PCDHA4: variants seen among roughly 807,000 people sequenced by gnomAD.
PCDHA4 encodes the protein protocadherin alpha 4.
PCDHA4 carries 49 observed loss-of-function variants against 61.4 expected under a neutral mutation model. The observed-to-expected ratio is 0.80, with a 90% confidence interval of 0.63 to 1.01. PCDHA4 has a LOEUF of 1.01. PCDHA4 is among the 50% of genes least tolerant of loss of function. PCDHA4 has a pLI of 0.00. For synonymous variants in PCDHA4, 590 were observed against 550.3 expected, an observed-to-expected ratio of 1.07 and a Z score of -1.01; for missense variants, 1,254 against 1,235.8, an observed-to-expected ratio of 1.01 and a Z score of -0.22.
At chr5:140,838,520 T>C (rs1554137093) in intron 1 of PCDHA4, among the ~76,000 whole-genome samples, 1 of 152,024 alleles carries the variant, frequency 6.6e-6, no homozygotes, top group Non-Finnish European at 1.5e-5. Flanking sequence ...ATTTGCATCT[T>C]ATTTTCTTTT....
intron 1 of PCDHA4, chr5:140,843,458 C>T: frequency 6.3e-7 from 1 of 1,596,092 alleles, no homozygotes; most frequent in Non-Finnish European, 8.6e-7. Flanking sequence ...CCTGCTGGTG[C>T]TCACGCTGCT....
At chr5:140,955,146 T>C (rs184262984) in intron 1 of PCDHA4, among the ~76,000 whole-genome samples, 10 of 152,338 alleles carry the variant, frequency 6.6e-5, no homozygotes, top group African/African-American at 2.4e-4. Context: ...TCTGTTTTTG[T>C]ACCAGTACCG....
chr5:140,815,649 T>C (rs1305813119), intron 1 of PCDHA4: 1 of 152,172 alleles, frequency 6.6e-6, no homozygotes, highest in Non-Finnish European at 1.5e-5. Context: ...TGTTTTTATC[T>C]ATATATTTAT....
At chr5:140,891,644 T>C (rs1554184907) in intron 1 of PCDHA4, among the ~76,000 whole-genome samples, 1 of 152,246 alleles carries the variant, frequency 6.6e-6, no homozygotes, top group Non-Finnish European at 1.5e-5. Context: ...TGGGCTTTAT[T>C]GTGGATAGTT....
At chr5:140,874,397 T>A (rs1447759550) in intron 1 of PCDHA4, among the ~76,000 whole-genome samples, 3 of 152,230 alleles carry the variant, frequency 2.0e-5, no homozygotes, top group African/African-American at 7.2e-5. Flanking sequence ...CCCCCTTGCA[T>A]AACAGTCACC....
intron 3 of PCDHA4, 49 bp downstream of exon 3, chr5:140,982,612 C>A (rs782489208): frequency 6.3e-7 from 1 of 1,599,358 alleles, no homozygotes; most frequent in Admixed American, 1.7e-5. Context: ...GGAAAGTGAT[C>A]AGATGACCTA....
At chr5:140,843,373 T>C (rs2150358583) in intron 1 of PCDHA4, 5 of 1,596,150 alleles carry the variant, frequency 3.1e-6, no homozygotes, top group Non-Finnish European at 2.6e-6. Flanking sequence ...GGCAGTCGGC[T>C]GGCGTTTTGG....
Position 140,809,018 on chromosome 5 carries a change from C to G in PCDHA4, c.1831C>G (p.Leu611Val). The G allele has an allele frequency of 6.2e-7, 1 of 1,613,722 alleles. No individual in the cohort carries two copies. Among genetic ancestry groups the G allele is most frequent in the Non-Finnish European group, 8.5e-7 (1 of 1,179,770 alleles). Residue 611 changes from leucine to valine, a missense_variant, in exon 1 of 4, where the codon CTG (leucine) becomes GTG (valine). Leu to Val is a conservative substitution (Grantham distance 32). Transcript: ENST00000530339. ...SGYNAWLSYE[L>V]QPGTGGARIP... is the part of the protein sequence containing the mutation. ...CTACAACGCGTGGCTTTCGTACGAG[C>G]TGCAGCCGGGGACTGGTGGCGCGCG...
At chr5:140,850,686 G>C (rs2150493966) in intron 1 of PCDHA4, 4 of 1,598,520 alleles carry the variant, frequency 2.5e-6, no homozygotes, top group Non-Finnish European at 3.4e-6. Flanking sequence ...CACCGAGGGC[G>C]AGTGCGCGCC....
At chr5:140,884,667 G>A (rs1304262646) in intron 1 of PCDHA4, 4 of 1,568,684 alleles carry the variant, frequency 2.5e-6, no homozygotes, top group Non-Finnish European at 2.6e-6. Context: ...AAAGAGGTAA[G>A]CTTATATTTT....
chr5:140,931,111 G>A (rs1584701423), intron 1 of PCDHA4, among the ~76,000 whole-genome samples: 2 of 152,116 alleles, frequency 1.3e-5, no homozygotes, highest in East Asian at 3.8e-4. Flanking sequence ...TAATAGGTAT[G>A]CACATCATTA....
At chr5:140,983,771 A>G (rs963720761) in intron 3 of PCDHA4, among the ~76,000 whole-genome samples, 2 of 152,222 alleles carry the variant, frequency 1.3e-5, no homozygotes, top group Admixed American at 6.5e-5. Flanking sequence ...ATACATATCT[A>G]CATACATAAC....
chr5:140,989,893 A>T (rs1436233809), intron 3 of PCDHA4, among the ~76,000 whole-genome samples: 1 of 151,928 alleles, frequency 6.6e-6, no homozygotes, highest in Non-Finnish European at 1.5e-5. Context: ...AGTCTCCGTT[A>T]TTCACAATCA....
intron 1 of PCDHA4, among the ~76,000 whole-genome samples, chr5:140,960,124 T>C (rs966679082): frequency 3.3e-5 from 5 of 152,216 alleles, no homozygotes; most frequent in African/African-American, 1.2e-4. Flanking sequence ...GTATTCCTTA[T>C]GAAATACTTA....
chr5:140,852,681 T>A, intron 1 of PCDHA4: 1 of 968,122 alleles, frequency 1.0e-6, no homozygotes, highest in Non-Finnish European at 1.2e-6. Context: ...TCACCTTGAA[T>A]ATAGTCTTAT....
At chr5:140,823,131 G>T (rs142929389) in intron 1 of PCDHA4, 3 of 1,614,008 alleles carry the variant, frequency 1.9e-6, no homozygotes, top group South Asian at 2.2e-5. Flanking sequence ...ACAACGCTCC[G>T]GCGTTCGCGC....
chr5:140,917,483 G>C (rs1237773555), intron 1 of PCDHA4, among the ~76,000 whole-genome samples: 1 of 152,152 alleles, frequency 6.6e-6, no homozygotes, highest in Non-Finnish European at 1.5e-5. Flanking sequence ...CTTTGCCAGG[G>C]CCTATGCCCA....
intron 3 of PCDHA4, among the ~76,000 whole-genome samples, chr5:140,983,986 G>A (rs1475891501): frequency 2.0e-5 from 3 of 152,176 alleles, no homozygotes; most frequent in African/African-American, 7.2e-5. Context: ...ACGAGTTGAA[G>A]CAATTCATTA....
At chr5:140,941,019 C>T (rs569905763) in intron 1 of PCDHA4, among the ~76,000 whole-genome samples, 4 of 152,142 alleles carry the variant, frequency 2.6e-5, no homozygotes, top group East Asian at 1.9e-4. Context: ...TCCTATTTTC[C>T]TTCTGGCCTT....
Sources: allele counts gnomAD v4.1 joint callset (sites outside exome capture counted in the v4.1 genomes callset), GRCh38; gene constraint gnomAD v4.1.1; transcripts MANE v1.5; gene names NCBI Gene and HGNC (gene_info 2026-07-23, HGNC 2026-07-21).